The following IL12RB1 variants were observed in gnomAD, a reference collection of about 807,000 sequenced individuals.
IL12RB1 encodes the protein interleukin 12 receptor subunit beta 1, also known as interleukin-12 receptor subunit beta-1.
A neutral mutation model predicts 94.4 loss-of-function variants in IL12RB1; 64 were observed. That is an observed-to-expected ratio of 0.68 (90% CI 0.55 to 0.83). The LOEUF (loss-of-function observed/expected upper bound fraction) is 0.83, where lower values mean the gene tolerates loss of function less well. IL12RB1 is among the 40% of genes least tolerant of loss of function. IL12RB1 has a pLI of 0.00. For missense variants in IL12RB1, 814 were observed against 855.6 expected (o/e 0.95, Z 0.61); for synonymous variants, 362 against 355.5 (o/e 1.02, Z -0.21).
chr19:18,092,670 GAAAAA>G (rs58773304), intron 1 of IL12RB1, among the ~76,000 whole-genome samples: 2 of 132,228 alleles, frequency 1.5e-5, no homozygotes, highest in Admixed American at 7.6e-5. Context: ...AACTCTGTCT[GAAAAA>G]AAAAAAAAAA....
chr19:18,066,763 G>A (rs17878265), intron 11 of IL12RB1, 66 bp from the exon 12 acceptor site: 147,886 of 1,338,612 alleles, frequency 0.11, 8,618 homozygotes, highest in East Asian at 0.23. Context: ...ACAGTGGCTC[G>A]CACCTGTAAT....
intron 5 of IL12RB1, among the ~76,000 whole-genome samples, chr19:18,076,917 T>C (rs924029314): frequency 1.3e-5 from 2 of 152,078 alleles, no homozygotes; most frequent in Non-Finnish European, 2.9e-5. Context: ...CCTGGAAAAA[T>C]TGGTGACATT....
At chr19:18,091,056 G>A (rs756947572), upstream of IL12RB1, among the ~76,000 whole-genome samples, 7 of 152,102 alleles carry the variant, frequency 4.6e-5, no homozygotes, top group Non-Finnish European at 8.8e-5. Context: ...GGCCTCGAGC[G>A]CCAGGCTAAA....
At chr19:18,082,941 G>A (rs11667720) in intron 2 of IL12RB1, among the ~76,000 whole-genome samples, 1 of 151,628 alleles carries the variant, frequency 6.6e-6, no homozygotes. Context: ...AAATTAGCCG[G>A]GTGTGGTGGC....
Position 18,080,928 on chromosome 19 carries a change from C to A in IL12RB1, c.313G>T (p.Val105Leu), listed in dbSNP as rs756061336. ...TRLQFSDQAG[V>L]SVLYTVTLWV... Reference sequence around the variant, plus strand: ...AGTGTGACAGTGTACAGCACAGACACCCCAGCCTGGTCGGAGAACTGCAGC... The same window carrying A: ...AGTGTGACAGTGTACAGCACAGACAACCCAGCCTGGTCGGAGAACTGCAGC... The change falls in exon 4 of 17, where the codon GTG becomes TTG. Residue 105 changes from valine (V) to leucine (L), a missense_variant. By Grantham distance (32) the Val-to-Leu change is conservative. Transcript: ENST00000593993. 4 of 1,613,970 alleles carry A rather than the reference C, an allele frequency of 2.5e-6. No individual in the cohort carries two copies. Among genetic ancestry groups the A allele is most frequent in the Admixed American group, 1.7e-5 (1 of 59,998 alleles).
At chr19:18,084,842 G>A (rs1371500415) in intron 1 of IL12RB1, among the ~76,000 whole-genome samples, 2 of 152,204 alleles carry the variant, frequency 1.3e-5, no homozygotes, top group Non-Finnish European at 2.9e-5. Flanking sequence ...ACCCCTGCAG[G>A]AAAGAACAGT....
chr19:18,064,060 AG>A, intron 12 of IL12RB1, 50 bp from the exon 13 acceptor site: 1 of 1,452,868 alleles, frequency 6.9e-7, no homozygotes, highest in Non-Finnish European at 9.6e-7. Context: ...TACTCCTCAG[AG>A]GCCAGGCTGG....
chr19:18,085,895 C>G (rs2146488570), intron 1 of IL12RB1, among the ~76,000 whole-genome samples: 1 of 151,276 alleles, frequency 6.6e-6, no homozygotes, highest in South Asian at 2.1e-4. Context: ...AGGAGTGAGT[C>G]ACCGTGCAGG....
chr19:18,084,492 A>G (rs2036186573), intron 1 of IL12RB1, among the ~76,000 whole-genome samples: 1 of 152,012 alleles, frequency 6.6e-6, no homozygotes, highest in African/African-American at 2.4e-5. Flanking sequence ...CCATCCATCC[A>G]TCCATGTATT....
intron 12 of IL12RB1, among the ~76,000 whole-genome samples, chr19:18,065,221 T>TAA (rs1225498955): frequency 6.6e-6 from 1 of 152,132 alleles, no homozygotes; most frequent in Non-Finnish European, 1.5e-5. Flanking sequence ...CCCTCCTGGC[T>TAA]AAACCCTGTT....
At chr19:18,068,316 G>A (rs1442150146) in intron 11 of IL12RB1, 73 bp downstream of exon 11, 3 of 1,264,184 alleles carry the variant, frequency 2.4e-6, no homozygotes, top group Non-Finnish European at 3.3e-6. Flanking sequence ...GTGAGTCACT[G>A]TGCCCAGCCT....
At chr19:18,072,913 CT>C (rs1340766613) in intron 8 of IL12RB1, among the ~76,000 whole-genome samples, 2 of 143,728 alleles carry the variant, frequency 1.4e-5, no homozygotes, top group African/African-American at 5.2e-5. Context: ...CGCCACTGCA[CT>C]CCAGCCTGGG....
chr19:18,059,467 T>G lies in IL12RB1; in HGVS notation c.*141A>C. 1.4e-6 allele frequency: 1 copy of G among 709,792 alleles called. No homozygotes were observed. Among genetic ancestry groups the G allele is most frequent in the Non-Finnish European group, 2.6e-6 (1 of 380,702 alleles). The allele number at this position is 709,792 out of a possible 1,614,324, so 44.0% of individuals were successfully genotyped here. On this transcript the variant is annotated 3_prime_UTR_variant, in exon 17 of 17. Coordinates refer to ENST00000593993, the MANE Select transcript of IL12RB1 (RefSeq NM_005535.3). ...CAGCATCTAGGGTTCCCCCGCAGGA[T>G]GGGTGGCAACAGGCACGGGGCAGAG...
At chr19:18,081,982 A>AC (rs1457299048) in intron 3 of IL12RB1, among the ~76,000 whole-genome samples, 168 bp downstream of exon 3, 1 of 151,728 alleles carries the variant, frequency 6.6e-6, no homozygotes, top group Non-Finnish European at 1.5e-5. Context: ...TCACTGACCA[A>AC]CCCCCCACCA....
intron 15 of IL12RB1, 56 bp from the exon 16 acceptor site, chr19:18,060,141 G>C (rs2034020765): frequency 1.0e-6 from 1 of 972,230 alleles, no homozygotes; most frequent in African/African-American, 1.6e-5. Flanking sequence ...CCCATCCACA[G>C]CAGGATGGAA....
rs769192415 is a variant in IL12RB1, at chr19:18,075,811, C to T, written c.638G>A (p.Arg213Gln). The change falls in exon 7 of 17, where the codon CGG becomes CAG. Residue 213 changes from arginine (R) to glutamine (Q), a missense_variant. Physicochemically the swap from Arg to Gln is conservative, Grantham distance 43. Coordinates refer to ENST00000593993, the MANE Select transcript of IL12RB1 (RefSeq NM_005535.3). ...GGAACTTCCTTGGCTCCCCAGCTGC[C>T]GTCGTCGGAGCTGGAATTCCTGGGC... ...NVAQEFQLRR[R>Q]QLGSQGSSWS... 49 of 1,611,878 alleles carry T rather than the reference C, an allele frequency of 3.0e-5. No homozygotes were observed. In the South Asian group the frequency reaches 4.0e-4, roughly 13 times the overall value.
rs745572283 is a variant in IL12RB1 at position 18,062,150 on chromosome 19, C to T, written c.1715+31G>A. 8.7e-6 allele frequency: 12 copies of T among 1,373,596 alleles called. No individual in the cohort carries two copies. The Admixed American group carries it at 1.0e-4, about 12-fold the overall frequency. 85.1% of individuals were successfully genotyped at this position (1,373,596 alleles called of 1,614,324 possible). On this transcript the variant is annotated intron_variant, in intron 14 of 16. Coordinates refer to ENST00000593993, the MANE Select transcript of IL12RB1 (RefSeq NM_005535.3). ...CTCCCCTGCCCAGCATCATTACCAT[C>T]GCTATGGTAACGGTAAGAGGTGTCA...
upstream of IL12RB1, among the ~76,000 whole-genome samples, chr19:18,089,864 C>T (rs1356305563): frequency 1.3e-5 from 2 of 152,102 alleles, no homozygotes; most frequent in East Asian, 1.9e-4. Context: ...CAGGGTCAGG[C>T]GCCCAGCAGG....
At chr19:18,084,010 C>CCCATCCATCCAT (rs55727878) in intron 1 of IL12RB1, among the ~76,000 whole-genome samples, 12 of 139,992 alleles carry the variant, frequency 8.6e-5, no homozygotes, top group Non-Finnish European at 1.4e-4. Context: ...CACCCATCTA[C>CCCATCCATCCAT]CCATCCATCC....
Sources: allele counts gnomAD v4.1 joint callset (sites outside exome capture counted in the v4.1 genomes callset), GRCh38; gene constraint gnomAD v4.1.1; transcripts MANE v1.5; gene names NCBI Gene and HGNC (gene_info 2026-07-23, HGNC 2026-07-21).